CDH18: variants seen among roughly 807,000 people sequenced by gnomAD.
CDH18 encodes cadherin 18.
CDH18 carries 31 observed loss-of-function variants against 67.9 expected under a neutral mutation model. That is an observed-to-expected ratio of 0.46 (90% CI 0.34 to 0.62). The LOEUF (loss-of-function observed/expected upper bound fraction) is 0.62, where lower values mean the gene tolerates loss of function less well. CDH18 is among the 20% of genes least tolerant of loss of function. The pLI is 0.01. For synonymous variants in CDH18, 362 were observed against 347.2 expected, an observed-to-expected ratio of 1.04 and a Z score of -0.48; for missense variants, 890 against 975.5, an observed-to-expected ratio of 0.91 and a Z score of 1.17.
chr5:20,216,306 G>T (rs972966166), intron 2 of CDH18, among the ~76,000 whole-genome samples: 1 of 151,938 alleles, frequency 6.6e-6, no homozygotes, highest in South Asian at 2.1e-4. Flanking sequence ...TGCAAGTCTT[G>T]ATGGAAAGTT....
At chr5:20,371,785 C>G (rs1003396634) in intron 1 of CDH18, among the ~76,000 whole-genome samples, 1 of 152,174 alleles carries the variant, frequency 6.6e-6, no homozygotes, top group Non-Finnish European at 1.5e-5. Flanking sequence ...ATTCAGAAGA[C>G]TGACTCCACA....
chr5:19,512,652 A>C (rs548871752), intron 10 of CDH18, among the ~76,000 whole-genome samples: 1 of 152,174 alleles, frequency 6.6e-6, no homozygotes, highest in Admixed American at 6.6e-5. Flanking sequence ...ATGTCATTCA[A>C]AAATTCTACC....
chr5:19,647,912 GT>G (rs1755017111), intron 5 of CDH18, among the ~76,000 whole-genome samples: 1 of 152,110 alleles, frequency 6.6e-6, no homozygotes, highest in Non-Finnish European at 1.5e-5. Context: ...ATATTAGATA[GT>G]TTAGGTCTGT....
chr5:19,681,178 G>C (rs1299639515), intron 5 of CDH18, among the ~76,000 whole-genome samples: 1 of 151,888 alleles, frequency 6.6e-6, no homozygotes, highest in Non-Finnish European at 1.5e-5. Context: ...ACCAAATACT[G>C]CATTTTCTCA....
chr5:19,524,757 T>A (rs1176900467), intron 9 of CDH18, among the ~76,000 whole-genome samples: 1 of 152,192 alleles, frequency 6.6e-6, no homozygotes, highest in Non-Finnish European at 1.5e-5. Flanking sequence ...TCTGCTCTTT[T>A]TTTTCTGAGA....
intron 2 of CDH18, among the ~76,000 whole-genome samples, chr5:20,247,279 T>C (rs992795282): frequency 1.3e-5 from 2 of 152,174 alleles, no homozygotes; most frequent in Non-Finnish European, 2.9e-5. Context: ...TAGTTCAATA[T>C]AATTAGTATA....
chr5:19,623,740 TAG>T (rs1481453822), intron 5 of CDH18, among the ~76,000 whole-genome samples: 1 of 151,502 alleles, frequency 6.6e-6, no homozygotes, highest in Non-Finnish European at 1.5e-5. Context: ...CAACTATATT[TAG>T]AGTCATATAA....
At chr5:20,346,401 C>G (rs1320835225) in intron 1 of CDH18, among the ~76,000 whole-genome samples, 1 of 152,180 alleles carries the variant, frequency 6.6e-6, no homozygotes, top group African/African-American at 2.4e-5. Context: ...TAACAAACCA[C>G]TCTGCCTTAC....
rs555683196 is a variant in CDH18 at position 20,443,990 on chromosome 5, CCTTA to C, written c.-580+131468_-580+131471del. Among the ~76,000 whole-genome samples the C allele has an allele frequency of 1.5e-3, 227 of 151,992 alleles. 5 individuals are homozygous for C. The highest frequency in any genetic ancestry group is 5.2e-3 in the African/African-American group (215 of 41,324). On this transcript the variant is annotated intron_variant, in intron 1 of 14. Coordinates refer to the CDH18 transcript ENST00000507958. Reference sequence around the variant, plus strand: ...TATTCAATTCTAATCTTGGCTTTTTCCTTACTTAATCTCTGTAGGCATCAATTTT... The same window carrying C: ...TATTCAATTCTAATCTTGGCTTTTTCCTTAATCTCTGTAGGCATCAATTTT...
chr5:19,753,577 A>G (rs1043354653), intron 3 of CDH18, among the ~76,000 whole-genome samples: 6 of 152,240 alleles, frequency 3.9e-5, no homozygotes, highest in African/African-American at 1.4e-4. Flanking sequence ...AAGAAGAGAA[A>G]TCTAAAAGTT....
At chr5:19,542,249 A>G (rs1750393953) in intron 9 of CDH18, among the ~76,000 whole-genome samples, 1 of 152,156 alleles carries the variant, frequency 6.6e-6, no homozygotes, top group South Asian at 2.1e-4. Flanking sequence ...CACCCACTAG[A>G]ATGGCTATAA....
At chr5:20,218,052 C>G (rs985065943) in intron 2 of CDH18, among the ~76,000 whole-genome samples, 2 of 151,624 alleles carry the variant, frequency 1.3e-5, no homozygotes, top group Non-Finnish European at 2.9e-5. Context: ...AGAGATAAAC[C>G]CCAATACGAT....
chr5:20,330,867 G>C (rs1375045022), intron 1 of CDH18, among the ~76,000 whole-genome samples: 1 of 152,144 alleles, frequency 6.6e-6, no homozygotes, highest in Non-Finnish European at 1.5e-5. Context: ...CTGCTATAAA[G>C]CTTTTTAATA....
intron 1 of CDH18, among the ~76,000 whole-genome samples, chr5:20,455,069 T>C (rs1400789952): frequency 5.1e-5 from 5 of 97,930 alleles, no homozygotes; most frequent in Admixed American, 2.7e-4. Flanking sequence ...TGAAGAAAAC[T>C]GTGAGCAGAA....
intron 5 of CDH18, among the ~76,000 whole-genome samples, chr5:19,617,929 A>G (rs182246300): frequency 2.0e-5 from 3 of 152,310 alleles, no homozygotes; most frequent in African/African-American, 7.2e-5. Flanking sequence ...ATGCCTCCTG[A>G]CTAATAATAT....
At chr5:19,750,151 TA>T (rs1344428076) in intron 3 of CDH18, among the ~76,000 whole-genome samples, 1 of 152,102 alleles carries the variant, frequency 6.6e-6, no homozygotes, top group Non-Finnish European at 1.5e-5. Flanking sequence ...GAAACCATTG[TA>T]GTAGTTATTT....
At chr5:19,499,322 T>C (rs570220811) in intron 11 of CDH18, among the ~76,000 whole-genome samples, 1 of 152,296 alleles carries the variant, frequency 6.6e-6, no homozygotes, top group East Asian at 1.9e-4. Context: ...TTCCCAACTA[T>C]AGATTTCAAT....
intron 5 of CDH18, among the ~76,000 whole-genome samples, chr5:19,707,921 T>C (rs1764174838): frequency 6.6e-6 from 1 of 152,220 alleles, no homozygotes; most frequent in South Asian, 2.1e-4. Flanking sequence ...CTTCTCCATC[T>C]GCATGCCATG....
intron 3 of CDH18, among the ~76,000 whole-genome samples, chr5:19,834,744 A>T (rs1781432013): frequency 6.6e-6 from 1 of 152,120 alleles, no homozygotes. Context: ...CATTGGTTTC[A>T]AATAACTTCT....
Sources: allele counts gnomAD v4.1 joint callset (sites outside exome capture counted in the v4.1 genomes callset), GRCh38; gene constraint gnomAD v4.1.1; transcripts MANE v1.5; gene names NCBI Gene and HGNC (gene_info 2026-07-23, HGNC 2026-07-21).